The following UBR3 variants were observed in gnomAD, a reference collection of about 807,000 sequenced individuals.
UBR3 encodes the protein ubiquitin protein ligase E3 component n-recognin 3.
UBR3 carries 85 observed loss-of-function variants against 243.2 expected under a neutral mutation model. The ratio of observed to expected loss-of-function variants is 0.35; its 90% CI spans 0.29 to 0.42. UBR3 has a LOEUF of 0.42. Among genes scored for constraint, UBR3 ranks in the 10% least tolerant of loss-of-function variants. The pLI, the probability that UBR3 is intolerant of heterozygous loss-of-function variation, is 1.00. For missense variants in UBR3, 1,686 were observed against 2,300.8 expected (o/e 0.73, Z 5.47); for synonymous variants, 748 against 799.8 (o/e 0.94, Z 1.09).
At chr2:169,834,576 T>C (rs2082027142) in intron 1 of UBR3, among the ~76,000 whole-genome samples, 1 of 152,266 alleles carries the variant, frequency 6.6e-6, no homozygotes, top group African/African-American at 2.4e-5. Flanking sequence ...GGTATCAGTG[T>C]TTCTGATCTT....
rs371944590 is a variant in UBR3 at position 170,038,162 on chromosome 2, A to G, written c.4557-2720A>G. Among the ~76,000 whole-genome samples the G allele has an allele frequency of 3.9e-5, 6 of 152,224 alleles. No individual in the cohort carries two copies. The East Asian group carries it at 9.7e-4, about 25-fold the overall frequency. On this transcript the variant is annotated intron_variant, in intron 31 of 38. Coordinates refer to ENST00000272793, the MANE Select transcript of UBR3 (RefSeq NM_172070.4). ...CTTTTCTATACCTAAAAGCTCTGCAATTTGTTGGTCTGTAGGTTATCATGC... is the reference window on the plus strand; with the variant it reads ...CTTTTCTATACCTAAAAGCTCTGCAGTTTGTTGGTCTGTAGGTTATCATGC...
rs769581485 is a variant in UBR3 at position 170,079,912 on chromosome 2, T to C, written c.5298T>C (p.Cys1766=). The C allele has an allele frequency of 3.1e-6, 5 of 1,614,100 alleles. No homozygotes were observed. In the South Asian group the frequency reaches 4.4e-5, roughly 14 times the overall value. ...TIFQYYHRKT[C]SVCTKVPKDP... The stretch of plus-strand genomic sequence containing the variant: ...TTCAGTACTACCACAGAAAAACCTG[T>C]AGTGTCTGCACCAAGGTTCCTAAAG... Residue 1766 remains cysteine, a synonymous_variant, in exon 37 of 39, where the codon TGT becomes TGC. Transcript: ENST00000272793.
intron 31 of UBR3, among the ~76,000 whole-genome samples, chr2:170,035,645 T>C (rs2090805453): frequency 6.6e-6 from 1 of 151,980 alleles, no homozygotes; most frequent in South Asian, 2.1e-4. Context: ...CTATTCCAGC[T>C]GTTTTGCCTC....
intron 1 of UBR3, among the ~76,000 whole-genome samples, chr2:169,830,872 T>C (rs1293833145): frequency 6.6e-6 from 1 of 151,694 alleles, no homozygotes; most frequent in Non-Finnish European, 1.5e-5. Flanking sequence ...TCCTGACTTT[T>C]GGAATACAGT....
intron 8 of UBR3, among the ~76,000 whole-genome samples, chr2:169,897,859 AT>A (rs1214806857): frequency 1.3e-5 from 2 of 152,140 alleles, no homozygotes; most frequent in African/African-American, 4.8e-5. Context: ...AATACTATTT[AT>A]GTATTGTTTC....
intron 6 of UBR3, 41 bp downstream of exon 6, chr2:169,891,272 C>T: frequency 6.8e-7 from 1 of 1,474,582 alleles, no homozygotes; most frequent in Non-Finnish European, 9.2e-7. Context: ...GAATAAAATG[C>T]TTCTAAAAAA....
intron 24 of UBR3, among the ~76,000 whole-genome samples, chr2:169,976,431 G>A (rs1049623387): frequency 6.6e-6 from 1 of 151,844 alleles, no homozygotes; most frequent in Admixed American, 6.6e-5. Context: ...AGCATTTCTT[G>A]TAAGTTTGGT....
intron 1 of UBR3, among the ~76,000 whole-genome samples, chr2:169,834,304 T>C (rs2082020886): frequency 6.6e-6 from 1 of 152,264 alleles, no homozygotes; most frequent in Non-Finnish European, 1.5e-5. Flanking sequence ...ACTATGATTT[T>C]TGCGGTCAGT....
intron 1 of UBR3, among the ~76,000 whole-genome samples, chr2:169,837,991 A>G (rs1273699117): frequency 6.6e-6 from 1 of 152,220 alleles, no homozygotes; most frequent in East Asian, 1.9e-4. Flanking sequence ...TTATTAGAAC[A>G]TTAAAATGTA....
At chr2:170,006,946 T>A in intron 27 of UBR3, 44 bp from the exon 28 acceptor site, 1 of 1,563,640 alleles carries the variant, frequency 6.4e-7, no homozygotes. Flanking sequence ...TTGTTTTCTA[T>A]GAATGTGTAT....
chr2:169,911,633 T>A (rs2085257938), intron 10 of UBR3, among the ~76,000 whole-genome samples: 1 of 152,086 alleles, frequency 6.6e-6, no homozygotes. Context: ...AATTGACTTG[T>A]CACCTTTTTA....
At chr2:169,836,797 G>A (rs977702562) in intron 1 of UBR3, among the ~76,000 whole-genome samples, 3 of 151,936 alleles carry the variant, frequency 2.0e-5, no homozygotes, top group Non-Finnish European at 2.9e-5. Context: ...TTCTTTCTTG[G>A]TGAACTGCTG....
rs148993876 is a variant in UBR3 at position 169,959,155 on chromosome 2, A to C, written c.3634+629A>C. 1.9e-4 allele frequency among the ~76,000 whole-genome samples: 29 copies of C among 152,252 alleles called. 1 individual carries two copies. The highest frequency in any genetic ancestry group is 6.8e-3 in the Middle Eastern group (2 of 294). On this transcript the variant is annotated intron_variant, in intron 24 of 38. Coordinates refer to ENST00000272793, the MANE Select transcript of UBR3 (RefSeq NM_172070.4). ...TTGTGGAAAGAAAATAAAGTCATGCATTTAGTTAAAATACACACATATATG... is the reference window on the plus strand; with the variant it reads ...TTGTGGAAAGAAAATAAAGTCATGCCTTTAGTTAAAATACACACATATATG...
Position 170,082,498 on chromosome 2 carries a change from T to G in UBR3, c.*655T>G, listed in dbSNP as rs2105464533. Reference sequence around the variant, plus strand: ...ATAATTGAAATAGCTGTAAAATAAGTAGATAGCTGCTGTTAATATAATACA... The same window carrying G: ...ATAATTGAAATAGCTGTAAAATAAGGAGATAGCTGCTGTTAATATAATACA... On this transcript the variant is annotated 3_prime_UTR_variant, in exon 39 of 39. Transcript: ENST00000272793. 6.8e-6 allele frequency: 1 copy of G among 147,980 alleles called. No homozygotes were observed. The highest frequency in any genetic ancestry group is 2.2e-4 in the South Asian group (1 of 4,452). The allele number at this position is 147,980 out of a possible 1,614,324, so 9.2% of individuals were successfully genotyped here.
intron 1 of UBR3, among the ~76,000 whole-genome samples, chr2:169,840,675 C>T (rs1298455107): frequency 2.0e-5 from 3 of 152,156 alleles, no homozygotes; most frequent in Non-Finnish European, 4.4e-5. Flanking sequence ...CGTGTGGACT[C>T]TGCTGCTGAC....
At chr2:169,957,272 T>A (rs1449126270) in intron 23 of UBR3, among the ~76,000 whole-genome samples, 1 of 20,014 alleles carries the variant, frequency 5.0e-5, no homozygotes, top group Admixed American at 4.1e-4. Context: ...TATTGGTGGA[T>A]TTTTTTTTTT....
intron 5 of UBR3, among the ~76,000 whole-genome samples, chr2:169,890,265 G>T (rs1363749644): frequency 6.6e-6 from 1 of 151,890 alleles, no homozygotes; most frequent in Non-Finnish European, 1.5e-5. Context: ...TACAAGAGGC[G>T]GGCTGCCTTC....
chr2:169,885,139 A>G (rs959084369), intron 5 of UBR3, among the ~76,000 whole-genome samples: 3 of 152,168 alleles, frequency 2.0e-5, no homozygotes, highest in Non-Finnish European at 4.4e-5. Context: ...GAATTTCTAC[A>G]CCATTACCTT....
intron 24 of UBR3, among the ~76,000 whole-genome samples, chr2:169,967,765 T>A (rs900004834): frequency 1.3e-5 from 2 of 152,288 alleles, no homozygotes; most frequent in African/African-American, 4.8e-5. Flanking sequence ...GTTTAATTTG[T>A]GATTTGTCCT....
Sources: allele counts gnomAD v4.1 joint callset (sites outside exome capture counted in the v4.1 genomes callset), GRCh38; gene constraint gnomAD v4.1.1; transcripts MANE v1.5; gene names NCBI Gene and HGNC (gene_info 2026-07-23, HGNC 2026-07-21).